GRID2: variants seen among roughly 807,000 people sequenced by gnomAD.
The protein encoded by GRID2 is glutamate receptor ionotropic, delta-2.
In GRID2, 33 loss-of-function variants were observed where a neutral mutation model predicts 114.8. That is an observed-to-expected ratio of 0.29 (90% CI 0.22 to 0.38). The LOEUF is 0.38. GRID2 is among the 10% of genes least tolerant of loss of function. GRID2 has a pLI of 1.00. For missense variants in GRID2, 1,184 were observed against 1,257.7 expected (o/e 0.94, Z 0.89); for synonymous variants, 505 against 449.9 (o/e 1.12, Z -1.55).
intron 2 of GRID2, among the ~76,000 whole-genome samples, chr4:92,946,303 A>T (rs1751627731): frequency 6.6e-6 from 1 of 151,994 alleles, no homozygotes; most frequent in Non-Finnish European, 1.5e-5. Flanking sequence ...TGCTTATTTG[A>T]CTATTCTATT....
At chr4:93,126,584 CTTTTTTTTTTTTTTTT>C (rs60017147) in intron 4 of GRID2, among the ~76,000 whole-genome samples, 2 of 52,750 alleles carry the variant, frequency 3.8e-5, no homozygotes, top group South Asian at 8.2e-4. Flanking sequence ...CTATTTAATT[CTTTTTTTTTTTTTTTT>C]TTTTTTTTTT....
At chr4:93,484,741 G>T (rs992097092) in intron 11 of GRID2, among the ~76,000 whole-genome samples, 1 of 151,912 alleles carries the variant, frequency 6.6e-6, no homozygotes, top group Non-Finnish European at 1.5e-5. Context: ...TACAAGAGTA[G>T]GTTACAGTCT....
intron 1 of GRID2, among the ~76,000 whole-genome samples, chr4:92,540,893 C>G (rs1725907883): frequency 6.6e-6 from 1 of 152,232 alleles, no homozygotes; most frequent in South Asian, 2.1e-4. Flanking sequence ...GTGACCAACC[C>G]AAATGTCCAA....
intron 1 of GRID2, among the ~76,000 whole-genome samples, chr4:92,516,138 C>T (rs975270180): frequency 2.0e-5 from 3 of 151,872 alleles, no homozygotes; most frequent in African/African-American, 7.2e-5. Context: ...TGGAGGAATG[C>T]TTAACGTATG....
rs189741259 is a variant in GRID2, at chr4:93,773,835, T to C, written c.*1337T>C. Reference sequence around the variant, plus strand: ...TATTTAGTTCTATTTGGAGGAGTTATGTATTTTTTACATTAGTGCCAAGTA... The same window carrying C: ...TATTTAGTTCTATTTGGAGGAGTTACGTATTTTTTACATTAGTGCCAAGTA... On this transcript the variant is annotated 3_prime_UTR_variant, in exon 16 of 16. Transcript: ENST00000282020. 6.6e-6 allele frequency: 1 copy of C among 152,140 alleles called. No homozygotes were observed. The highest frequency in any genetic ancestry group is 1.9e-4 in the East Asian group (1 of 5,194). 9.4% of individuals were successfully genotyped at this position (152,140 alleles called of 1,614,324 possible). A position where few individuals can be genotyped will look rare whatever the true frequency, so the allele number is the denominator to read the frequency against.
chr4:92,367,749 TG>T (rs1728940400), intron 1 of GRID2, among the ~76,000 whole-genome samples: 1 of 152,116 alleles, frequency 6.6e-6, no homozygotes, highest in South Asian at 2.1e-4. Flanking sequence ...TGTGTCTCTT[TG>T]TAGAGAATAG....
chr4:93,128,703 C>T (rs560470596), intron 4 of GRID2, among the ~76,000 whole-genome samples: 1 of 151,624 alleles, frequency 6.6e-6, no homozygotes, highest in East Asian at 2.0e-4. Flanking sequence ...GCGGCATGAG[C>T]CTATTTCTTA....
chr4:93,102,311 T>G (rs1731781116), intron 3 of GRID2, among the ~76,000 whole-genome samples: 1 of 152,172 alleles, frequency 6.6e-6, no homozygotes, highest in Non-Finnish European at 1.5e-5. Context: ...CTGTAATTTG[T>G]TAAACTGTTT....
At chr4:92,950,581 A>G (rs551766445) in intron 2 of GRID2, among the ~76,000 whole-genome samples, 1 of 152,156 alleles carries the variant, frequency 6.6e-6, no homozygotes, top group East Asian at 1.9e-4. Context: ...TCAGTCCCAG[A>G]AGAAACTGGG....
chr4:92,558,397 T>C (rs1235930410), intron 1 of GRID2, among the ~76,000 whole-genome samples: 1 of 152,206 alleles, frequency 6.6e-6, no homozygotes, highest in African/African-American at 2.4e-5. Context: ...ATTGAACTTT[T>C]ATAAACGTTG....
At chr4:92,516,375 A>G (rs557217305) in intron 1 of GRID2, among the ~76,000 whole-genome samples, 1 of 152,034 alleles carries the variant, frequency 6.6e-6, no homozygotes, top group South Asian at 2.1e-4. Context: ...CTTCTTTACT[A>G]TAACATCATT....
At chr4:93,436,475 G>A (rs774239916) in intron 10 of GRID2, among the ~76,000 whole-genome samples, 16 of 152,056 alleles carry the variant, frequency 1.1e-4, no homozygotes, top group East Asian at 1.9e-4. Flanking sequence ...GTAGCTACAC[G>A]CAAAACACCT....
At chr4:93,589,287 T>A (rs1463737328) in intron 13 of GRID2, among the ~76,000 whole-genome samples, 3 of 148,630 alleles carry the variant, frequency 2.0e-5, no homozygotes, top group Non-Finnish European at 3.0e-5. Context: ...CACCTATGAG[T>A]GAGAATATGT....
At chr4:92,381,815 G>C (rs1670042816) in intron 1 of GRID2, among the ~76,000 whole-genome samples, 1 of 151,862 alleles carries the variant, frequency 6.6e-6, no homozygotes, top group South Asian at 2.1e-4. Context: ...TTGTGCTTGT[G>C]GTCTTACATC....
intron 1 of GRID2, among the ~76,000 whole-genome samples, chr4:92,427,427 C>A (rs1732214490): frequency 1.3e-5 from 2 of 152,068 alleles, no homozygotes; most frequent in South Asian, 4.2e-4. Flanking sequence ...TAAATTGCAA[C>A]CCACATTATT....
At chr4:93,424,996 C>T (rs564971864) in intron 10 of GRID2, among the ~76,000 whole-genome samples, 1 of 152,028 alleles carries the variant, frequency 6.6e-6, no homozygotes, top group Non-Finnish European at 1.5e-5. Flanking sequence ...TTTTTCTTTC[C>T]AGAATTTCAA....
intron 14 of GRID2, among the ~76,000 whole-genome samples, chr4:93,677,782 C>A (rs1725055837): frequency 6.6e-6 from 1 of 152,122 alleles, no homozygotes; most frequent in African/African-American, 2.4e-5. Flanking sequence ...CCCATCTGTA[C>A]ATCACCAGCA....
At chr4:93,695,556 C>T (rs924391053) in intron 14 of GRID2, among the ~76,000 whole-genome samples, 1 of 152,204 alleles carries the variant, frequency 6.6e-6, no homozygotes, top group African/African-American at 2.4e-5. Flanking sequence ...TAGCTTGGTA[C>T]ACCCATCTCC....
intron 4 of GRID2, among the ~76,000 whole-genome samples, chr4:93,162,949 G>A (rs1737822028): frequency 6.6e-6 from 1 of 151,852 alleles, no homozygotes; most frequent in Non-Finnish European, 1.5e-5. Context: ...AGGAATAAAA[G>A]CACTTACCGC....
Sources: gnomAD v4.1 joint callset for allele counts (sites outside exome capture counted in the v4.1 genomes callset) on GRCh38, gnomAD v4.1.1 for gene constraint, MANE v1.5 for transcripts, NCBI Gene and HGNC (gene_info 2026-07-23, HGNC 2026-07-21) for gene names.